The following ATP6V0A4 variants were observed in gnomAD, a reference collection of about 807,000 sequenced individuals.
The protein encoded by ATP6V0A4 is ATPase H+ transporting V0 subunit a4.
Under a neutral mutation model 107.3 loss-of-function variants are expected in ATP6V0A4, and 86 were observed. The ratio of observed to expected loss-of-function variants is 0.80; its 90% CI spans 0.67 to 0.96. The LOEUF is 0.96. Among genes scored for constraint, ATP6V0A4 ranks in the 40% least tolerant of loss-of-function variants. ATP6V0A4 has a pLI of 0.00. For missense variants in ATP6V0A4, 908 were observed against 1,045.6 expected (o/e 0.87, Z 1.81); for synonymous variants, 353 against 381.4 (o/e 0.93, Z 0.87).
rs1807486593 is a variant in ATP6V0A4, at chr7:138,773,242, T to C, written c.-17-1978A>G. Among the ~76,000 whole-genome samples, 1 of 152,160 alleles carries C rather than the reference T, an allele frequency of 6.6e-6. No homozygotes were observed. Among genetic ancestry groups the C allele is most frequent in the Non-Finnish European group, 1.5e-5 (1 of 68,026 alleles). On this transcript the variant is annotated intron_variant, in intron 2 of 21. Coordinates refer to ENST00000310018, the MANE Select transcript of ATP6V0A4 (RefSeq NM_020632.3). The surrounding 1 kb of genome is among the most constrained non-coding windows in gnomAD (Gnocchi z 5.4). ...TGTGTCCTCCTCCAGCTTTGGCCTCTCCAGGGACCCTGCATTTCTCCCAGC... is the reference window on the plus strand; with the variant it reads ...TGTGTCCTCCTCCAGCTTTGGCCTCCCCAGGGACCCTGCATTTCTCCCAGC...
At chr7:138,794,411 C>T (rs1808561380) in intron 1 of ATP6V0A4, among the ~76,000 whole-genome samples, 1 of 152,200 alleles carries the variant, frequency 6.6e-6, no homozygotes, top group African/African-American at 2.4e-5. Flanking sequence ...ATATTCTTCC[C>T]TGGGCCGTTC....
intron 1 of ATP6V0A4, among the ~76,000 whole-genome samples, chr7:138,796,462 C>T (rs1298780225): frequency 6.6e-6 from 1 of 152,198 alleles, no homozygotes; most frequent in Non-Finnish European, 1.5e-5. Flanking sequence ...CCTTCTATGT[C>T]TTTCCACAGA....
intron 1 of ATP6V0A4, among the ~76,000 whole-genome samples, chr7:138,793,592 T>C (rs774777014): frequency 6.6e-6 from 1 of 152,146 alleles, no homozygotes; most frequent in Non-Finnish European, 1.5e-5. Context: ...GCATGACACA[T>C]TCAAGAGCCA....
chr7:138,793,727 T>A lies in ATP6V0A4; in HGVS notation c.-121+4307A>T, dbSNP rs1456645130. 2.6e-5 allele frequency among the ~76,000 whole-genome samples: 4 copies of A among 152,044 alleles called. No homozygotes were observed. The East Asian group carries it at 7.7e-4, about 29-fold the overall frequency. On this transcript the variant is annotated intron_variant, in intron 1 of 21. Coordinates refer to ENST00000310018, the MANE Select transcript of ATP6V0A4 (RefSeq NM_020632.3). ...CAAAAAGATAACTAGAAAACCTCCGTATGTTTGGAAATTAAGAAATATACT... is the reference window on the plus strand; with the variant it reads ...CAAAAAGATAACTAGAAAACCTCCGAATGTTTGGAAATTAAGAAATATACT...
chr7:138,707,335 TAA>T (rs1491407214), intron 21 of ATP6V0A4, among the ~76,000 whole-genome samples: 1 of 108,604 alleles, frequency 9.2e-6, no homozygotes, highest in African/African-American at 3.7e-5. Context: ...TTTATATTTA[TAA>T]TATATATATT....
chr7:138,747,603 C>G (rs768480982), intron 12 of ATP6V0A4, 39 bp from the exon 13 acceptor site: 10 of 1,609,188 alleles, frequency 6.2e-6, no homozygotes, highest in Middle Eastern at 1.8e-4. Context: ...GGCCTCAGCA[C>G]AGCCTCGGGG....
chr7:138,798,065 A>C lies in ATP6V0A4; in HGVS notation c.-152T>G, dbSNP rs1297384917. 3.2e-6 allele frequency: 5 copies of C among 1,569,190 alleles called. No individual in the cohort carries two copies. Among genetic ancestry groups the C allele is most frequent in the African/African-American group, 2.7e-5 (2 of 73,782 alleles). On this transcript the variant is annotated 5_prime_UTR_variant, in exon 1 of 22. Coordinates refer to ENST00000310018, the MANE Select transcript of ATP6V0A4 (RefSeq NM_020632.3). ...CAGGCACTCGGCACAACTCCGCAGG[A>C]CCGGCTCACCTGCACCGGGCACTCA...
intron 7 of ATP6V0A4, 118 bp downstream of exon 7, chr7:138,762,222 T>A: frequency 7.5e-7 from 1 of 1,326,260 alleles, no homozygotes; most frequent in Non-Finnish European, 1.1e-6. Context: ...TGGCAGAGGC[T>A]TTGCATCCAT....
intron 3 of ATP6V0A4, among the ~76,000 whole-genome samples, chr7:138,770,463 G>A (rs373723989): frequency 6.6e-6 from 1 of 152,174 alleles, no homozygotes; most frequent in Non-Finnish European, 1.5e-5. Context: ...CTCAATAAAC[G>A]TTATTGAGGA....
intron 13 of ATP6V0A4, among the ~76,000 whole-genome samples, chr7:138,747,184 G>T (rs1805992489): frequency 6.6e-6 from 1 of 151,848 alleles, no homozygotes; most frequent in South Asian, 2.1e-4. Flanking sequence ...AATATATAAT[G>T]AAAAAGAAAA....
chr7:138,747,372 A>C, intron 13 of ATP6V0A4, 53 bp downstream of exon 13: 1 of 1,576,310 alleles, frequency 6.3e-7, no homozygotes, highest in Admixed American at 1.7e-5. Context: ...AACCACATAC[A>C]GATTTTCATA....
chr7:138,751,750 G>A (rs1355816350), intron 11 of ATP6V0A4, among the ~76,000 whole-genome samples: 2 of 151,996 alleles, frequency 1.3e-5, no homozygotes, highest in African/African-American at 4.8e-5. Flanking sequence ...CACCGCAAGC[G>A]ATCTACATAT....
chr7:138,768,687 G>A (rs956542715), intron 5 of ATP6V0A4, 93 bp downstream of exon 5: 1 of 1,467,318 alleles, frequency 6.8e-7, no homozygotes, highest in Non-Finnish European at 9.3e-7. Context: ...CAAGCAAACA[G>A]GTACGGAATC....
chr7:138,739,321 C>T (rs750197951), intron 15 of ATP6V0A4, among the ~76,000 whole-genome samples: 5 of 152,154 alleles, frequency 3.3e-5, no homozygotes, highest in South Asian at 2.1e-4. Context: ...AAGAGGCAGA[C>T]GTTTGGGGGA....
At chr7:138,738,031 G>GCTGT (rs397810498) in intron 15 of ATP6V0A4, among the ~76,000 whole-genome samples, 2 of 151,472 alleles carry the variant, frequency 1.3e-5, no homozygotes, top group African/African-American at 4.8e-5. Flanking sequence ...CAAAGTGCTG[G>GCTGT]GATTACAGGC....
intron 11 of ATP6V0A4, among the ~76,000 whole-genome samples, chr7:138,751,588 G>A (rs1372494889): frequency 6.6e-6 from 1 of 151,306 alleles, no homozygotes; most frequent in Non-Finnish European, 1.5e-5. Flanking sequence ...ACATGCCTCC[G>A]TGTCCCTTTC....
At chr7:138,730,218 A>G (rs1178106379) in intron 17 of ATP6V0A4, among the ~76,000 whole-genome samples, 2 of 152,140 alleles carry the variant, frequency 1.3e-5, no homozygotes, top group African/African-American at 4.8e-5. Context: ...AGAGGAAGGG[A>G]GACCATGTGA....
At chr7:138,737,310 T>C (rs1805388361) in intron 15 of ATP6V0A4, among the ~76,000 whole-genome samples, 1 of 150,506 alleles carries the variant, frequency 6.6e-6, no homozygotes, top group Non-Finnish European at 1.5e-5. Context: ...TCATGAGATC[T>C]GATGGTTTTA....
chr7:138,758,324 G>T (rs1358767022), intron 8 of ATP6V0A4, among the ~76,000 whole-genome samples: 1 of 152,122 alleles, frequency 6.6e-6, no homozygotes, highest in Non-Finnish European at 1.5e-5. Context: ...GAGAGAAATA[G>T]TACAAGAGGC....
Sources: allele counts gnomAD v4.1 joint callset (sites outside exome capture counted in the v4.1 genomes callset), GRCh38; gene constraint gnomAD v4.1.1; non-coding constraint Gnocchi (gnomAD v3.1); transcripts MANE v1.5; gene names NCBI Gene and HGNC (gene_info 2026-07-23, HGNC 2026-07-21).